Variants in ZNF385D observed in about 807,000 individuals in gnomAD.
ZNF385D encodes the protein zinc finger protein 659.
In ZNF385D, 15 loss-of-function variants were observed where a neutral mutation model predicts 35.8. That is an observed-to-expected ratio of 0.42 (90% CI 0.28 to 0.64). ZNF385D has a LOEUF of 0.64. Among genes scored for constraint, ZNF385D ranks in the 30% least tolerant of loss-of-function variants. The probability of loss-of-function intolerance (pLI) is 0.23; values close to 1 mark genes in which losing one functional copy is unlikely to be tolerated. For synonymous variants in ZNF385D, 212 were observed against 186.8 expected (o/e 1.13, Z -1.10); for missense variants, 474 against 494.6 (o/e 0.96, Z 0.39).
At chr3:21,518,005 C>A (rs190257630) in intron 3 of ZNF385D, among the ~76,000 whole-genome samples, 1 of 152,210 alleles carries the variant, frequency 6.6e-6, no homozygotes, top group Admixed American at 6.5e-5. Context: ...GAGGGAGGCT[C>A]AGTAATGGGT....
At chr3:21,789,592 T>C (rs1160749135) in intron 3 of ZNF385D, among the ~76,000 whole-genome samples, 1 of 152,172 alleles carries the variant, frequency 6.6e-6, no homozygotes, top group African/African-American at 2.4e-5. Flanking sequence ...TAGATTCCTT[T>C]TAACTGCCTT....
At chr3:22,364,267 T>G (rs566651703) in intron 2 of ZNF385D, among the ~76,000 whole-genome samples, 32 of 152,216 alleles carry the variant, frequency 2.1e-4, no homozygotes, top group African/African-American at 7.7e-4. Flanking sequence ...AATAGGACTT[T>G]ATGAAAATTT....
chr3:22,202,108 T>C (rs926416643), intron 2 of ZNF385D, among the ~76,000 whole-genome samples: 2 of 152,096 alleles, frequency 1.3e-5, no homozygotes, highest in South Asian at 2.1e-4. Context: ...TGCCTTTCTT[T>C]AGTTCAATTT....
intron 3 of ZNF385D, among the ~76,000 whole-genome samples, chr3:21,988,428 G>A (rs1251305633): frequency 2.3e-5 from 3 of 129,782 alleles, no homozygotes; most frequent in East Asian, 2.2e-4. Flanking sequence ...ATACCCTGCC[G>A]TGTGAGGTGT....
intron 3 of ZNF385D, among the ~76,000 whole-genome samples, chr3:21,940,031 G>T (rs1390104337): frequency 6.6e-6 from 1 of 152,158 alleles, no homozygotes; most frequent in African/African-American, 2.4e-5. Flanking sequence ...AATTTTCTCT[G>T]AACATGCCTC....
At chr3:22,320,089 C>G (rs1165629164) in intron 2 of ZNF385D, among the ~76,000 whole-genome samples, 2 of 150,898 alleles carry the variant, frequency 1.3e-5, no homozygotes, top group Non-Finnish European at 2.9e-5. Flanking sequence ...TACATAGGTG[C>G]TTCATGTGGA....
chr3:21,806,586 G>A (rs1273856994), intron 3 of ZNF385D, among the ~76,000 whole-genome samples: 2 of 152,180 alleles, frequency 1.3e-5, no homozygotes, highest in Non-Finnish European at 2.9e-5. Context: ...AAGAAATAGA[G>A]TAGAATGTCA....
At chr3:22,317,886 C>T (rs906821459) in intron 2 of ZNF385D, among the ~76,000 whole-genome samples, 8 of 152,084 alleles carry the variant, frequency 5.3e-5, no homozygotes, top group Admixed American at 4.6e-4. Flanking sequence ...CATGGTGAAA[C>T]CCCATCTCTA....
At chr3:21,997,168 G>A (rs536692321) in intron 3 of ZNF385D, among the ~76,000 whole-genome samples, 1 of 152,180 alleles carries the variant, frequency 6.6e-6, no homozygotes, top group African/African-American at 2.4e-5. Context: ...CTATGCAGCT[G>A]TAAAAAAGGG....
At chr3:22,352,040 G>C (rs1346302914) in intron 2 of ZNF385D, among the ~76,000 whole-genome samples, 2 of 152,066 alleles carry the variant, frequency 1.3e-5, no homozygotes, top group African/African-American at 2.4e-5. Flanking sequence ...CCTTATCTGA[G>C]CCAGCCACAA....
intron 3 of ZNF385D, among the ~76,000 whole-genome samples, chr3:22,127,054 T>A (rs551474766): frequency 1.3e-5 from 2 of 152,212 alleles, no homozygotes; most frequent in East Asian, 3.9e-4. Flanking sequence ...TTATTTTCAG[T>A]CTATTGTGTG....
At chr3:22,224,521 A>G (rs116359575) in intron 2 of ZNF385D, among the ~76,000 whole-genome samples, 154 of 152,308 alleles carry the variant, frequency 1.0e-3, no homozygotes, top group African/African-American at 3.3e-3. Flanking sequence ...CCCACAGTGT[A>G]TATTAAACAA....
intron 2 of ZNF385D, among the ~76,000 whole-genome samples, chr3:22,301,481 T>A (rs955149722): frequency 6.6e-6 from 1 of 152,080 alleles, no homozygotes; most frequent in Non-Finnish European, 1.5e-5. Flanking sequence ...TTGATCAGAT[T>A]TAGTCATTCC....
intron 3 of ZNF385D, among the ~76,000 whole-genome samples, chr3:21,795,407 G>C (rs997090280): frequency 6.6e-6 from 1 of 152,248 alleles, no homozygotes; most frequent in Non-Finnish European, 1.5e-5. Context: ...TGAGGGCGGG[G>C]CACATAGCCA....
chr3:21,862,058 A>G (rs1156860645), intron 3 of ZNF385D, among the ~76,000 whole-genome samples: 1 of 152,128 alleles, frequency 6.6e-6, no homozygotes, highest in Non-Finnish European at 1.5e-5. Context: ...ATAAGTATAT[A>G]TTTTAAAATT....
intron 2 of ZNF385D, among the ~76,000 whole-genome samples, chr3:22,255,662 C>CAA (rs138136650): frequency 6.8e-6 from 1 of 147,052 alleles, no homozygotes; most frequent in African/African-American, 2.5e-5. Flanking sequence ...CATCACATTT[C>CAA]AAAAAAAAAA....
intron 3 of ZNF385D, among the ~76,000 whole-genome samples, chr3:21,918,050 T>C (rs1228417419): frequency 6.6e-6 from 1 of 152,202 alleles, no homozygotes; most frequent in Admixed American, 6.5e-5. Context: ...GACTTAGAGA[T>C]GGAGCAGAGT....
intron 2 of ZNF385D, among the ~76,000 whole-genome samples, chr3:22,180,082 C>A (rs1237731327): frequency 1.3e-5 from 2 of 151,994 alleles, no homozygotes; most frequent in African/African-American, 4.8e-5. Context: ...CAAATAGATG[C>A]AATAAAAAAT....
At chr3:21,563,677 C>T (rs926424998) in intron 3 of ZNF385D, among the ~76,000 whole-genome samples, 3 of 152,160 alleles carry the variant, frequency 2.0e-5, no homozygotes, top group Non-Finnish European at 1.5e-5. Context: ...TGGTCATCTC[C>T]ACAAAGTGTA....
Sources: gnomAD v4.1 joint callset for allele counts (sites outside exome capture counted in the v4.1 genomes callset) on GRCh38, gnomAD v4.1.1 for gene constraint, MANE v1.5 for transcripts, NCBI Gene and HGNC (gene_info 2026-07-23, HGNC 2026-07-21) for gene names.